Variants in ZBTB40 observed in about 807,000 individuals in gnomAD.
The protein encoded by ZBTB40 is zinc finger and BTB domain-containing protein 40.
A neutral mutation model predicts 117.5 loss-of-function variants in ZBTB40; 60 were observed. The ratio of observed to expected loss-of-function variants is 0.51; its 90% confidence interval spans 0.41 to 0.63. ZBTB40 has a LOEUF of 0.63. Among genes scored for constraint, ZBTB40 ranks in the 30% least tolerant of loss-of-function variants. ZBTB40 has a pLI of 0.00. For synonymous variants in ZBTB40, 525 were observed against 577.1 expected, an observed-to-expected ratio of 0.91 and a Z score of 1.29; for missense variants, 1,287 against 1,498.5, an observed-to-expected ratio of 0.86 and a Z score of 2.33.
At chr1:22,521,376 T>C in intron 14 of ZBTB40, 120 bp from the exon 15 acceptor site, 1 of 1,237,516 alleles carries the variant, frequency 8.1e-7, no homozygotes. Flanking sequence ...TAGGTAAGAG[T>C]GTGTGATACT....
intron 9 of ZBTB40, among the ~76,000 whole-genome samples, chr1:22,509,965 T>TA (rs1639187218): frequency 6.6e-6 from 1 of 152,228 alleles, no homozygotes; most frequent in African/African-American, 2.4e-5. Flanking sequence ...CTGGTCTTAT[T>TA]ACATGTTCTA....
intron 1 of ZBTB40, among the ~76,000 whole-genome samples, chr1:22,461,329 GTTT>G (rs5773006): frequency 4.1e-4 from 57 of 140,592 alleles, no homozygotes; most frequent in Middle Eastern, 3.6e-3. Flanking sequence ...GAGTTCCGTT[GTTT>G]TTTTTTTTTT....
chr1:22,469,911 T>A (rs564826421), intron 1 of ZBTB40, among the ~76,000 whole-genome samples: 2 of 152,322 alleles, frequency 1.3e-5, no homozygotes, highest in Non-Finnish European at 2.9e-5. Flanking sequence ...GGCAGTTTTA[T>A]GACTTAAAGA....
At chr1:22,501,465 A>C (rs374622337) in intron 3 of ZBTB40, 27 bp from the exon 4 acceptor site, 11 of 1,613,586 alleles carry the variant, frequency 6.8e-6, no homozygotes, top group Non-Finnish European at 9.3e-6. Context: ...TCGCTAATCT[A>C]TCTTTCTGGG....
rs544681846 is a variant in ZBTB40 at position 22,472,330 on chromosome 1, C to T, written c.-69-17550C>T. Among the ~76,000 whole-genome samples the T allele has an allele frequency of 5.9e-5, 9 of 152,170 alleles. No individual in the cohort carries two copies. In the East Asian group the frequency reaches 1.7e-3, roughly 30 times the overall value. ...TCCCAAGTAGCCGGGACTATAGGCACAGGCCACCACACCTGGCTAATTTTT... is the reference window on the plus strand; with the variant it reads ...TCCCAAGTAGCCGGGACTATAGGCATAGGCCACCACACCTGGCTAATTTTT... On this transcript the variant is annotated intron_variant, in intron 1 of 17. Coordinates refer to ENST00000375647, the MANE Select transcript of ZBTB40 (RefSeq NM_014870.4).
intron 1 of ZBTB40, among the ~76,000 whole-genome samples, chr1:22,484,300 A>G (rs978344634): frequency 2.0e-5 from 3 of 152,196 alleles, no homozygotes; most frequent in African/African-American, 7.2e-5. Context: ...ATATCTCTCC[A>G]TTTTTAAAGT....
In ZBTB40 at chr1:22,454,107, A is replaced by T. The variant is rs373385612; in HGVS notation, c.-70+2103A>T. Among the ~76,000 whole-genome samples the T allele has an allele frequency of 2.5e-4, 38 of 152,168 alleles. No homozygotes were observed. In the East Asian group the frequency reaches 4.3e-3, roughly 17 times the overall value. ...TGGGACTACAGGCATGTGCCACGAC[A>T]CCCGGCTAATTTTTTGTGTGTTTTT... On this transcript the variant is annotated intron_variant, in intron 1 of 17. Transcript: ENST00000375647.
intron 1 of ZBTB40, among the ~76,000 whole-genome samples, chr1:22,482,957 T>C (rs1284514586): frequency 6.6e-6 from 1 of 151,750 alleles, no homozygotes; most frequent in Non-Finnish European, 1.5e-5. Context: ...CGGGCGCCTG[T>C]AGTCCTAGCT....
chr1:22,494,309 C>T (rs977076885), intron 3 of ZBTB40, among the ~76,000 whole-genome samples: 9 of 152,232 alleles, frequency 5.9e-5, no homozygotes, highest in African/African-American at 2.2e-4. Flanking sequence ...ACTGCAAGGG[C>T]AGTGTCTAGT....
intron 3 of ZBTB40, among the ~76,000 whole-genome samples, chr1:22,495,201 T>G (rs1379865683): frequency 6.6e-6 from 1 of 152,196 alleles, no homozygotes. Context: ...TTTTATTTCC[T>G]GAGATCAGTG....
In ZBTB40 at chr1:22,490,296, T is replaced by G; in HGVS notation, c.348T>G (p.Leu116=). ...GCTGCAAAAATCTTCTGACCAGCCT[T>G]GTAAACTGCTCGGTTCAGGGTCAGG... ...AVSCKNLLTS[L]VNCSVQGQVV... is the part of the protein sequence containing the mutation. Residue 116 remains leucine (L), a synonymous_variant, in exon 2 of 18, where the codon CTT becomes CTG. Transcript: ENST00000375647. 6.2e-7 allele frequency: 1 copy of G among 1,614,180 alleles called. No homozygotes were observed. The highest frequency in any genetic ancestry group is 8.5e-7 in the Non-Finnish European group (1 of 1,180,028).
chr1:22,493,443 C>G (rs1198200744), intron 3 of ZBTB40, among the ~76,000 whole-genome samples: 2 of 152,222 alleles, frequency 1.3e-5, no homozygotes, highest in Non-Finnish European at 2.9e-5. Flanking sequence ...CTCTCTCTCT[C>G]TGTCTCTCTC....
chr1:22,468,848 A>G (rs1187582533), intron 1 of ZBTB40, among the ~76,000 whole-genome samples: 1 of 150,890 alleles, frequency 6.6e-6, no homozygotes, highest in Admixed American at 6.6e-5. Flanking sequence ...TTTAGTAGGG[A>G]CAGGGTCTTG....
chr1:22,457,838 A>G (rs1641038890), intron 1 of ZBTB40, among the ~76,000 whole-genome samples: 1 of 152,214 alleles, frequency 6.6e-6, no homozygotes, highest in South Asian at 2.1e-4. Context: ...TCAGCTTTCT[A>G]GGACTGGGGC....
At chr1:22,444,715 C>T (rs1358190747) in intron 1 of ZBTB40, among the ~76,000 whole-genome samples, 1 of 152,206 alleles carries the variant, frequency 6.6e-6, no homozygotes, top group Non-Finnish European at 1.5e-5. Flanking sequence ...CTCATGCAGA[C>T]AGCCCACCCC....
intron 3 of ZBTB40, among the ~76,000 whole-genome samples, 180 bp from the exon 4 acceptor site, chr1:22,501,312 C>G (rs1052008773): frequency 2.6e-4 from 40 of 152,204 alleles, no homozygotes; most frequent in African/African-American, 9.2e-4. Context: ...AAGACAGGGG[C>G]AGGAGCATGG....
intron 1 of ZBTB40, among the ~76,000 whole-genome samples, chr1:22,482,322 T>A (rs921255060): frequency 2.0e-5 from 3 of 152,212 alleles, no homozygotes; most frequent in Non-Finnish European, 4.4e-5. Flanking sequence ...ATTAATAAAC[T>A]ATTTTTTTAG....
upstream of ZBTB40, among the ~76,000 whole-genome samples, chr1:22,448,274 T>C (rs2124372035): frequency 6.6e-6 from 1 of 152,348 alleles, no homozygotes; most frequent in Admixed American, 6.5e-5. Flanking sequence ...TGTTAATTCA[T>C]GGAAAGTGCT....
Position 22,522,467 on chromosome 1 carries a change from A to C in ZBTB40, c.3298+4A>C. ...CATGTCAAGTGCCAGCATTCAGGTC[A>C]GTACCCCTGTCAGCATACTTCTAGG... On this transcript the variant is annotated splice_donor_region_variant and intron_variant, in intron 16 of 17. Coordinates refer to ENST00000375647, the MANE Select transcript of ZBTB40 (RefSeq NM_014870.4). 6.2e-7 allele frequency: 1 copy of C among 1,614,172 alleles called. No individual in the cohort carries two copies. Among genetic ancestry groups the C allele is most frequent in the Non-Finnish European group, 8.5e-7 (1 of 1,179,990 alleles).
Sources: allele counts gnomAD v4.1 joint callset (sites outside exome capture counted in the v4.1 genomes callset), GRCh38; gene constraint gnomAD v4.1.1; transcripts MANE v1.5; gene names NCBI Gene and HGNC (gene_info 2026-07-23, HGNC 2026-07-21).